TAB2: variants seen among roughly 807,000 people sequenced by gnomAD.
The protein encoded by TAB2 is TGF-beta-activated kinase 1 and MAP3K7-binding protein 2.
TAB2 carries 3 observed loss-of-function variants against 65.0 expected under a neutral mutation model. The observed-to-expected ratio is 0.05, with a 90% confidence interval of 0.02 to 0.12. The LOEUF is 0.12. Ranked by LOEUF, TAB2 falls within the 10% of genes least tolerant of loss-of-function variation. The pLI is 1.00. For synonymous variants in TAB2, 298 were observed against 285.1 expected, an observed-to-expected ratio of 1.05 and a Z score of -0.46; for missense variants, 623 against 840.3, an observed-to-expected ratio of 0.74 and a Z score of 3.20.
intron 1 of TAB2, chr6:149,220,922 T>C (rs1354721837): frequency 6.6e-6 from 1 of 152,154 alleles, no homozygotes; most frequent in African/African-American, 2.4e-5. Context: ...TGGCTGAAGA[T>C]TCAAGTTTTT....
At chr6:149,403,248 ATATATATATATAT>A (rs1351657582) in intron 6 of TAB2, among the ~76,000 whole-genome samples, 15 of 30,556 alleles carry the variant, frequency 4.9e-4, no homozygotes, top group Middle Eastern at 0.015. Context: ...AAAAAAAAAA[ATATATATATATAT>A]ATATATATAT....
chr6:149,273,865 G>A (rs189623586), intron 1 of TAB2, among the ~76,000 whole-genome samples: 66 of 152,310 alleles, frequency 4.3e-4, no homozygotes, highest in Non-Finnish European at 1.6e-4. Context: ...AGTTTTACAT[G>A]AGATGTGAGA....
intron 1 of TAB2, among the ~76,000 whole-genome samples, chr6:149,232,988 A>G (rs2044465): frequency 0.84 from 127,928 of 152,104 alleles, 53,973 homozygotes; most frequent in East Asian, 0.94. Flanking sequence ...CATCCTGGCC[A>G]GGAGTACCCA....
At chr6:149,290,649 G>A (rs1029221008) in intron 1 of TAB2, among the ~76,000 whole-genome samples, 1 of 152,116 alleles carries the variant, frequency 6.6e-6, no homozygotes, top group Non-Finnish European at 1.5e-5. Context: ...TTTGAGACCA[G>A]CCTGGACAAC....
intron 1 of TAB2, chr6:149,304,444 C>T (rs1779023145): frequency 6.5e-6 from 1 of 153,154 alleles, no homozygotes; most frequent in South Asian, 2.1e-4. Context: ...TAACAAAAGT[C>T]TGTGAACTCC....
chr6:149,293,347 T>C (rs1778811151), intron 1 of TAB2, among the ~76,000 whole-genome samples: 1 of 152,252 alleles, frequency 6.6e-6, no homozygotes, highest in Non-Finnish European at 1.5e-5. Flanking sequence ...TACCTCTTTT[T>C]ATCCTTGAGA....
At chr6:149,293,245 G>A (rs370025437) in intron 1 of TAB2, among the ~76,000 whole-genome samples, 2 of 152,278 alleles carry the variant, frequency 1.3e-5, no homozygotes, top group African/African-American at 4.8e-5. Context: ...AAATCATTGA[G>A]TATAAAATGT....
At chr6:149,332,106 A>G (rs139150530) in intron 1 of TAB2, among the ~76,000 whole-genome samples, 8 of 152,306 alleles carry the variant, frequency 5.3e-5, no homozygotes, top group African/African-American at 1.2e-4. Flanking sequence ...TGGAGTTGCC[A>G]TTGACTCAGT....
chr6:149,384,776 A>T (rs375802694), intron 3 of TAB2, among the ~76,000 whole-genome samples: 5 of 152,266 alleles, frequency 3.3e-5, no homozygotes, highest in Admixed American at 2.0e-4. Context: ...GGCAACTTTT[A>T]TAGGTATGGA....
At chr6:149,280,596 A>G (rs756572799) in intron 1 of TAB2, among the ~76,000 whole-genome samples, 1 of 152,210 alleles carries the variant, frequency 6.6e-6, no homozygotes, top group Non-Finnish European at 1.5e-5. Context: ...TAAAATTGTC[A>G]ACCTAGAATT....
chr6:149,366,948 T>A, intron 1 of TAB2, among the ~76,000 whole-genome samples: 1 of 129,636 alleles, frequency 7.7e-6, no homozygotes, highest in Non-Finnish European at 1.6e-5. Flanking sequence ...CCTCAAATTG[T>A]GTATAAATTT....
chr6:149,393,570 A>G (rs952164894), intron 3 of TAB2, among the ~76,000 whole-genome samples: 1 of 152,184 alleles, frequency 6.6e-6, no homozygotes, highest in Admixed American at 6.5e-5. Flanking sequence ...TCTGTCTCCT[A>G]CTAATATTGG....
chr6:149,400,296 A>C (rs553311748), intron 6 of TAB2: 1 of 1,389,060 alleles, frequency 7.2e-7, no homozygotes, highest in East Asian at 2.3e-5. Context: ...CACCGCTGTC[A>C]CCTCCTGCTG....
At chr6:149,334,506 C>T (rs1262657818) in intron 1 of TAB2, among the ~76,000 whole-genome samples, 1 of 151,956 alleles carries the variant, frequency 6.6e-6, no homozygotes, top group African/African-American at 2.4e-5. Flanking sequence ...TAGCAAGACC[C>T]CATCTCTAAT....
At chr6:149,267,977 T>G (rs771526465) in intron 1 of TAB2, among the ~76,000 whole-genome samples, 5 of 152,206 alleles carry the variant, frequency 3.3e-5, no homozygotes, top group African/African-American at 7.2e-5. Context: ...ATTAATGAAT[T>G]AGTATCATCA....
chr6:149,316,296 T>C (rs547387592), upstream of TAB2, among the ~76,000 whole-genome samples: 1 of 152,376 alleles, frequency 6.6e-6, no homozygotes, highest in South Asian at 2.1e-4. Flanking sequence ...ATTGGTGCTA[T>C]AGCCCAGACT....
In TAB2 at chr6:149,240,197, A is replaced by C. The variant is rs534316186; in HGVS notation, c.-121+21421A>C. On this transcript the variant is annotated intron_variant, in intron 1 of 1. Coordinates refer to the TAB2 transcript ENST00000606202. ...GACTGGGCCCTCGGCTCAGGGCCTT[A>C]CCCATGTAATCTGAGCATGGCAGGG... 3.0e-4 allele frequency among the ~76,000 whole-genome samples: 45 copies of C among 152,330 alleles called. No homozygotes were observed. In the South Asian group the frequency reaches 5.2e-3, roughly 18 times the overall value.
chr6:149,327,035 T>C (rs1779641271), intron 1 of TAB2, among the ~76,000 whole-genome samples: 1 of 152,224 alleles, frequency 6.6e-6, no homozygotes, highest in African/African-American at 2.4e-5. Flanking sequence ...GCAAAGCTAA[T>C]AATTGCATAA....
chr6:149,336,889 G>T (rs1779950203), intron 1 of TAB2, among the ~76,000 whole-genome samples: 1 of 150,026 alleles, frequency 6.7e-6, no homozygotes, highest in South Asian at 2.1e-4. Context: ...AAGGGATCCA[G>T]GGATACAATT....
Sources: allele counts gnomAD v4.1 joint callset (sites outside exome capture counted in the v4.1 genomes callset), GRCh38; gene constraint gnomAD v4.1.1; transcripts MANE v1.5; gene names NCBI Gene and HGNC (gene_info 2026-07-23, HGNC 2026-07-21).